The following STAM variants were observed in gnomAD, a reference collection of about 807,000 sequenced individuals.
STAM encodes the protein signal transducing adapter molecule 1.
STAM carries 16 observed loss-of-function variants against 63.4 expected under a neutral mutation model. The observed-to-expected ratio is 0.25, with a 90% CI of 0.17 to 0.38. The LOEUF (loss-of-function observed/expected upper bound fraction) is 0.38. Among genes scored for constraint, STAM ranks in the 10% least tolerant of loss-of-function variants. STAM has a pLI of 1.00. For missense variants in STAM, 636 were observed against 657.1 expected, an observed-to-expected ratio of 0.97 and a Z score of 0.35; for synonymous variants, 238 against 223.9, an observed-to-expected ratio of 1.06 and a Z score of -0.56.
intron 2 of STAM, among the ~76,000 whole-genome samples, chr10:17,667,088 A>G (rs1000012853): frequency 1.1e-4 from 17 of 151,848 alleles, no homozygotes; most frequent in South Asian, 1.0e-3. Flanking sequence ...ATTCTTTTAT[A>G]TAACTTAAAA....
intron 2 of STAM, among the ~76,000 whole-genome samples, chr10:17,680,483 C>T (rs139863559): frequency 6.0e-5 from 9 of 150,398 alleles, no homozygotes; most frequent in East Asian, 5.9e-4. Flanking sequence ...AGTTCAGTGG[C>T]GCAATCGTGG....
At chr10:17,658,550 G>A (rs189769586) in intron 1 of STAM, among the ~76,000 whole-genome samples, 5 of 152,096 alleles carry the variant, frequency 3.3e-5, no homozygotes, top group South Asian at 2.1e-4. Context: ...TTGCTCTGTC[G>A]CCCAGGCTGG....
chr10:17,653,355 A>T (rs7099359), intron 1 of STAM, among the ~76,000 whole-genome samples: 16,450 of 152,270 alleles, frequency 0.11, 945 homozygotes, highest in Middle Eastern at 0.16. Context: ...ACAGAGTTAA[A>T]TGTTTGTTTT....
intron 2 of STAM, among the ~76,000 whole-genome samples, chr10:17,679,461 T>A (rs1834992459): frequency 6.6e-6 from 1 of 152,198 alleles, no homozygotes; most frequent in Admixed American, 6.5e-5. Flanking sequence ...TGGCTGTTAA[T>A]CTCTTGTCAT....
At chr10:17,697,820 T>C (rs1835827090) in intron 8 of STAM, among the ~76,000 whole-genome samples, 1 of 152,140 alleles carries the variant, frequency 6.6e-6, no homozygotes, top group Non-Finnish European at 1.5e-5. Context: ...GTTGATATGC[T>C]ACAGTTATTT....
intron 1 of STAM, among the ~76,000 whole-genome samples, chr10:17,659,040 G>T (rs1304219391): frequency 6.6e-6 from 1 of 151,202 alleles, no homozygotes; most frequent in Non-Finnish European, 1.5e-5. Flanking sequence ...TTTGGCTTTT[G>T]TGATTTTAAT....
chr10:17,659,648 A>G (rs933167068), intron 1 of STAM, among the ~76,000 whole-genome samples: 1 of 151,644 alleles, frequency 6.6e-6, no homozygotes, highest in Non-Finnish European at 1.5e-5. Context: ...ATTTTTTTAA[A>G]GATGAGGCCT....
intron 12 of STAM, among the ~76,000 whole-genome samples, chr10:17,707,157 C>T (rs537397888): frequency 5.9e-5 from 9 of 152,092 alleles, no homozygotes; most frequent in Non-Finnish European, 1.2e-4. Flanking sequence ...TACCTGTAAT[C>T]CCAGCACGTT....
rs145891108 is a variant in STAM, at chr10:17,708,637, G to A, written c.1210-139G>A. 64 of 869,714 alleles carry A rather than the reference G, an allele frequency of 7.4e-5. No homozygotes were observed. In the African/African-American group the frequency reaches 8.9e-4, roughly 12 times the overall value. 53.9% of individuals were successfully genotyped at this position (869,714 alleles called of 1,614,324 possible). ...TTGAAAAGCGTTTTTCAAAATGCCC[G>A]TTGACAGAAATAACTTTGAAAAAAG... On this transcript the variant is annotated intron_variant, in intron 12 of 13. Coordinates refer to ENST00000377524, the MANE Select transcript of STAM (RefSeq NM_003473.4).
intron 5 of STAM, among the ~76,000 whole-genome samples, chr10:17,688,826 G>C (rs1294192566): frequency 5.3e-5 from 8 of 152,036 alleles, no homozygotes; most frequent in African/African-American, 7.2e-5. Context: ...CTTTTTAAAT[G>C]CTCTTAATGC....
chr10:17,654,332 C>T (rs892847532), intron 1 of STAM, among the ~76,000 whole-genome samples: 2 of 152,092 alleles, frequency 1.3e-5, no homozygotes, highest in Non-Finnish European at 2.9e-5. Context: ...ACGCCATTCT[C>T]CTGCCTCAGC....
At chr10:17,685,324 A>G (rs1554825942) in intron 4 of STAM, among the ~76,000 whole-genome samples, 2 of 152,192 alleles carry the variant, frequency 1.3e-5, no homozygotes, top group Non-Finnish European at 1.5e-5. Flanking sequence ...CTTTATCAAT[A>G]AGGCTGCTTC....
intron 5 of STAM, among the ~76,000 whole-genome samples, chr10:17,692,256 T>A (rs1213079949): frequency 2.0e-5 from 3 of 152,210 alleles, no homozygotes; most frequent in Non-Finnish European, 2.9e-5. Context: ...CGCAGTACCT[T>A]GTTTAAAGGT....
Position 17,644,195 on chromosome 10 carries a change from T to C in STAM, c.-145T>C, listed in dbSNP as rs971892981. 2 of 817,500 alleles carry C rather than the reference T, an allele frequency of 2.4e-6. No homozygotes were observed. The highest frequency in any genetic ancestry group is 1.7e-5 in the African/African-American group (1 of 58,168). 50.6% of individuals were successfully genotyped at this position (817,500 alleles called of 1,614,324 possible). A position where few individuals can be genotyped will look rare whatever the true frequency, so the allele number is the denominator to read the frequency against. ...GCAGCTGCTGCCGCGGTTGGTGGGG[T>C]TGGGTGAGAGGAGGAGCTGTCGCGG... On this transcript the variant is annotated 5_prime_UTR_variant, in exon 1 of 14. Transcript: ENST00000377524.
At chr10:17,713,450 G>A (rs1836654491) in intron 13 of STAM, among the ~76,000 whole-genome samples, 1 of 152,082 alleles carries the variant, frequency 6.6e-6, no homozygotes, top group African/African-American at 2.4e-5. Flanking sequence ...TTGCTTGCCA[G>A]TTTTTTGGAC....
chr10:17,710,244 G>T (rs1426958675), intron 13 of STAM, among the ~76,000 whole-genome samples: 1 of 152,062 alleles, frequency 6.6e-6, no homozygotes, highest in Non-Finnish European at 1.5e-5. Flanking sequence ...ATTCTTCAAG[G>T]TCGGGGCCTT....
intron 13 of STAM, among the ~76,000 whole-genome samples, chr10:17,710,858 G>C (rs1427491604): frequency 2.0e-5 from 3 of 152,102 alleles, no homozygotes; most frequent in Non-Finnish European, 4.4e-5. Flanking sequence ...CCTTGCAAAG[G>C]CTTCACAAAG....
rs1554827300 is a variant in STAM, at chr10:17,695,104, G to A, written c.591G>A (p.Leu197=). ...QRQQSTTLST[L]YPSTSSLLTN... The stretch of plus-strand genomic sequence containing the variant: ...AGCAGTCAACCACCCTTTCCACTTT[G>A]TATCCAAGCACATCCAGTCTCTTAA... The change falls in exon 7 of 14, where the codon TTG becomes TTA. Residue 197 remains leucine (L), a synonymous_variant. Coordinates refer to ENST00000377524, the MANE Select transcript of STAM (RefSeq NM_003473.4). 6.2e-7 allele frequency: 1 copy of A among 1,613,974 alleles called. No homozygotes were observed. The highest frequency in any genetic ancestry group is 8.5e-7 in the Non-Finnish European group (1 of 1,179,946).
At chr10:17,665,084 A>G (rs1476254193) in intron 2 of STAM, among the ~76,000 whole-genome samples, 3 of 151,874 alleles carry the variant, frequency 2.0e-5, no homozygotes, top group Non-Finnish European at 4.4e-5. Flanking sequence ...TTAGGTTTTA[A>G]AGGGGGAGAA....
Sources: allele counts gnomAD v4.1 joint callset (sites outside exome capture counted in the v4.1 genomes callset), GRCh38; gene constraint gnomAD v4.1.1; transcripts MANE v1.5; gene names NCBI Gene and HGNC (gene_info 2026-07-23, HGNC 2026-07-21).